GRK5: variants seen among roughly 807,000 people sequenced by gnomAD.
GRK5 encodes g protein-coupled receptor kinase GRK5.
GRK5 carries 40 observed loss-of-function variants against 78.4 expected under a neutral mutation model. The observed-to-expected ratio is 0.51, with a 90% CI of 0.40 to 0.66. GRK5 has a LOEUF of 0.66. Ranked by LOEUF, GRK5 falls within the 30% of genes least tolerant of loss-of-function variation. GRK5 has a pLI of 0.00. For missense variants in GRK5, 598 were observed against 759.9 expected, an observed-to-expected ratio of 0.79 and a Z score of 2.50; for synonymous variants, 289 against 296.8, an observed-to-expected ratio of 0.97 and a Z score of 0.27.
intron 2 of GRK5, among the ~76,000 whole-genome samples, chr10:119,348,414 C>T (rs750117027): frequency 3.9e-5 from 6 of 152,170 alleles, no homozygotes; most frequent in African/African-American, 7.2e-5. Context: ...TAAGTCAGTG[C>T]GTTAGAAACG....
chr10:119,394,517 G>GT (rs1851984699), intron 3 of GRK5, among the ~76,000 whole-genome samples: 1 of 7,432 alleles, frequency 1.3e-4, no homozygotes, highest in Non-Finnish European at 2.6e-4. Context: ...ACGTGTGTGT[G>GT]GGTGTGTGTG....
intron 1 of GRK5, among the ~76,000 whole-genome samples, chr10:119,261,031 G>T (rs1849378767): frequency 6.9e-6 from 1 of 144,336 alleles, no homozygotes; most frequent in Admixed American, 6.8e-5. Context: ...GGCCGGGCAG[G>T]GGGCTGACCC....
In GRK5 at chr10:119,442,098, G is replaced by C. The variant is rs760409999; in HGVS notation, c.1057+10G>C. On this transcript the variant is annotated intron_variant, in intron 11 of 15. Coordinates refer to ENST00000392870, the MANE Select transcript of GRK5 (RefSeq NM_005308.3). Reference sequence around the variant, plus strand: ...ACTGTTGGCTACATGGGTGAGTGCTGGGCTGCCTGTGTCAATGCACCTTGA... The same window carrying C: ...ACTGTTGGCTACATGGGTGAGTGCTCGGCTGCCTGTGTCAATGCACCTTGA... The C allele has an allele frequency of 6.2e-7, 1 of 1,611,792 alleles. No individual in the cohort carries two copies. Among genetic ancestry groups the C allele is most frequent in the Non-Finnish European group, 8.5e-7 (1 of 1,178,078 alleles).
At chr10:119,313,275 G>A (rs1326084418) in intron 1 of GRK5, among the ~76,000 whole-genome samples, 13 of 150,330 alleles carry the variant, frequency 8.6e-5, no homozygotes, top group African/African-American at 3.0e-4. Context: ...GGTAATAGTG[G>A]TGATGGGGAT....
intron 3 of GRK5, among the ~76,000 whole-genome samples, chr10:119,393,370 AT>A (rs1184075835): frequency 6.6e-6 from 1 of 152,146 alleles, no homozygotes; most frequent in African/African-American, 2.4e-5. Context: ...AAGGGATGTT[AT>A]TTTTTTAACG....
intron 1 of GRK5, among the ~76,000 whole-genome samples, chr10:119,308,446 G>A (rs1466297071): frequency 6.6e-6 from 1 of 152,212 alleles, no homozygotes; most frequent in Non-Finnish European, 1.5e-5. Flanking sequence ...TGTGACGTAT[G>A]GGCCAGGCGT....
intron 9 of GRK5, among the ~76,000 whole-genome samples, chr10:119,439,114 A>G (rs1013257412): frequency 6.6e-6 from 1 of 152,186 alleles, no homozygotes; most frequent in Non-Finnish European, 1.5e-5. Context: ...CTCTCCCCTC[A>G]TCCTGGGAAT....
intron 1 of GRK5, among the ~76,000 whole-genome samples, chr10:119,313,184 G>GGTA (rs1850417835): frequency 3.3e-5 from 4 of 122,892 alleles, no homozygotes; most frequent in Non-Finnish European, 3.8e-5. Context: ...TGGTGATGGT[G>GGTA]ATGATGATGG....
At chr10:119,208,014 C>G in intron 1 of GRK5, 45 bp downstream of exon 1, 2 of 1,579,246 alleles carry the variant, frequency 1.3e-6, no homozygotes, top group Non-Finnish European at 1.7e-6. Context: ...CGCCGCGGGC[C>G]AGGGTGCGGG....
chr10:119,239,598 G>C (rs186020757), intron 1 of GRK5, among the ~76,000 whole-genome samples: 5 of 152,068 alleles, frequency 3.3e-5, no homozygotes, highest in African/African-American at 1.2e-4. Flanking sequence ...TTGTTACATA[G>C]GTATACATGT....
At chr10:119,454,034 G>T (rs564529413) in intron 15 of GRK5, among the ~76,000 whole-genome samples, 1 of 152,114 alleles carries the variant, frequency 6.6e-6, no homozygotes, top group Non-Finnish European at 1.5e-5. Flanking sequence ...CAGTGTGCCC[G>T]CCCTGGAGCC....
intron 1 of GRK5, chr10:119,213,089 C>T (rs1279497049): frequency 1.3e-5 from 2 of 152,284 alleles, no homozygotes; most frequent in East Asian, 3.8e-4. Context: ...AGCAGTGGGA[C>T]TGCATCTGTG....
intron 5 of GRK5, among the ~76,000 whole-genome samples, chr10:119,423,499 G>C (rs1852612569): frequency 6.6e-6 from 1 of 152,216 alleles, no homozygotes; most frequent in Non-Finnish European, 1.5e-5. Context: ...TCTCCAGGCT[G>C]TTGAGACAGA....
At chr10:119,427,235 CCACCATCATCAGCATCAT>C (rs1443509403) in intron 6 of GRK5, among the ~76,000 whole-genome samples, 1 of 119,572 alleles carries the variant, frequency 8.4e-6, no homozygotes, top group African/African-American at 3.2e-5. Flanking sequence ...ATCAACATCA[CCACCATCATCAGCATCAT>C]CACCATCATC....
intron 4 of GRK5, among the ~76,000 whole-genome samples, chr10:119,409,017 A>G (rs536753153): frequency 1.3e-5 from 2 of 152,160 alleles, no homozygotes; most frequent in African/African-American, 2.4e-5. Flanking sequence ...CAGGTGTAGC[A>G]GGGGGCAAGC....
chr10:119,394,669 C>CTGTG lies in GRK5; in HGVS notation c.262-2025_262-2022dup, dbSNP rs1491044596. On this transcript the variant is annotated intron_variant, in intron 3 of 15. Coordinates refer to ENST00000392870, the MANE Select transcript of GRK5 (RefSeq NM_005308.3). Reference sequence around the variant, plus strand: ...TGTGTGTGGGTGTGTGTATCTGTGTCTGTGGGCACGTGTGTGTGGGTGTGT... The same window carrying CTGTG: ...TGTGTGTGGGTGTGTGTATCTGTGTCTGTGTGTGGGCACGTGTGTGTGGGTGTGT... 6.9e-3 allele frequency among the ~76,000 whole-genome samples: 17 copies of CTGTG among 2,454 alleles called. 5 individuals carry two copies. The highest frequency in any genetic ancestry group is 0.014 in the Non-Finnish European group (15 of 1,064). The allele number at this position is 2,454 out of a possible 152,430, so 1.6% of individuals were successfully genotyped here.
At chr10:119,284,019 C>A (rs1849806370) in intron 1 of GRK5, among the ~76,000 whole-genome samples, 1 of 152,150 alleles carries the variant, frequency 6.6e-6, no homozygotes. Context: ...TACTTCGGTA[C>A]TCGGATCCCC....
chr10:119,261,392 A>G (rs1276348678), intron 1 of GRK5, among the ~76,000 whole-genome samples: 1 of 143,928 alleles, frequency 6.9e-6, no homozygotes, highest in Non-Finnish European at 1.5e-5. Flanking sequence ...GCGGCCGGGC[A>G]GAGACGCTCC....
intron 4 of GRK5, among the ~76,000 whole-genome samples, chr10:119,420,677 C>T (rs1852554252): frequency 1.3e-5 from 2 of 151,136 alleles, no homozygotes; most frequent in Non-Finnish European, 2.9e-5. Flanking sequence ...CTCTTGGGTT[C>T]AAGGAATCCT....
Sources: allele counts gnomAD v4.1 joint callset (sites outside exome capture counted in the v4.1 genomes callset), GRCh38; gene constraint gnomAD v4.1.1; transcripts MANE v1.5; gene names NCBI Gene and HGNC (gene_info 2026-07-23, HGNC 2026-07-21).